The following DHX30 variants were observed in gnomAD, a reference collection of about 807,000 sequenced individuals.
DHX30 encodes the protein DExH-box helicase 30.
Under a neutral mutation model 116.9 loss-of-function variants are expected in DHX30, and 4 were observed. That is an observed-to-expected ratio of 0.03 (90% CI 0.02 to 0.08). The LOEUF (loss-of-function observed/expected upper bound fraction) is 0.08, where lower values mean the gene tolerates loss of function less well. DHX30 is among the 10% of genes least tolerant of loss of function. The pLI is 1.00. For missense variants in DHX30, 871 were observed against 1,595.1 expected (o/e 0.55, Z 7.73); for synonymous variants, 697 against 651.7 (o/e 1.07, Z -1.06).
chr3:47,822,734 G>A (rs1330652569), intron 4 of DHX30, among the ~76,000 whole-genome samples: 5 of 152,038 alleles, frequency 3.3e-5, no homozygotes, highest in Admixed American at 6.6e-5. Context: ...GCAGTGAGCC[G>A]AGATCGTGCC....
chr3:47,805,385 G>C lies in DHX30; in HGVS notation c.-63G>C, dbSNP rs1379138017. On this transcript the variant is annotated 5_prime_UTR_variant, in exon 2 of 22. Transcript: ENST00000445061. ...GAGAGAATTCAGCTCCAGTTCAAAA[G>C]CCTACAAAATCTGAGACTGTCATTG... 1 of 399,014 alleles carries C rather than the reference G, an allele frequency of 2.5e-6. No individual in the cohort carries two copies. Among genetic ancestry groups the C allele is most frequent in the Non-Finnish European group, 4.4e-6 (1 of 226,128 alleles). The allele number at this position is 399,014 out of a possible 1,614,324, so 24.7% of individuals were successfully genotyped here.
chr3:47,841,698 C>T lies in DHX30; in HGVS notation c.750C>T (p.Ala250=), dbSNP rs1189880499. 6.2e-7 allele frequency: 1 copy of T among 1,614,098 alleles called. No homozygotes were observed. The highest frequency in any genetic ancestry group is 1.3e-5 in the African/African-American group (1 of 74,934). The change falls in exon 8 of 22, where the codon GCC becomes GCT. Residue 250 remains alanine, a synonymous_variant. Coordinates refer to ENST00000445061, the MANE Select transcript of DHX30 (RefSeq NM_138615.3). Reference sequence around the variant, plus strand: ...TTCCACTTCCCAAGAACCTTCTGGCCAAGGTGATTCAGATTGCAACGTCAT... The same window carrying T: ...TTCCACTTCCCAAGAACCTTCTGGCTAAGGTGATTCAGATTGCAACGTCAT... ...TQFPLPKNLL[A]KVIQIATSSS...
chr3:47,847,564 A>G lies in DHX30; in HGVS notation c.2110+28A>G, dbSNP rs761510078. On this transcript the variant is annotated intron_variant, in intron 13 of 21. Transcript: ENST00000445061. The surrounding 1 kb of genome is among the most constrained non-coding windows in gnomAD (Gnocchi z 5.5). ...GAGAGCCCCGGCGGAGGGACCAGGG[A>G]CCTTTGGAAACCAGCCTGACCTCTG... 3.9e-6 allele frequency: 6 copies of G among 1,548,098 alleles called. No individual in the cohort carries two copies. In the Admixed American group the frequency reaches 5.8e-5, roughly 15 times the overall value.
chr3:47,829,310 A>ATTT (rs1197680925), intron 6 of DHX30, among the ~76,000 whole-genome samples, 176 bp downstream of exon 6: 4 of 25,670 alleles, frequency 1.6e-4, no homozygotes, highest in Non-Finnish European at 4.0e-4. Context: ...ATATATATAT[A>ATTT]TATATTTTTT....
chr3:47,841,312 A>G, intron 7 of DHX30, 134 bp downstream of exon 7: 1 of 1,344,574 alleles, frequency 7.4e-7, no homozygotes, highest in Non-Finnish European at 1.0e-6. Flanking sequence ...CCCATCACTC[A>G]GTGTGTGTCT....
At position 47,843,126 on chromosome 3, in the gene DHX30, T is replaced by C. The variant is rs766529248; in HGVS notation, c.810T>C (p.Thr270=). 1.9e-6 allele frequency: 3 copies of C among 1,614,128 alleles called. No homozygotes were observed. The African/African-American group carries it at 4.0e-5, about 22-fold the overall frequency. The change falls in exon 9 of 22, where the codon ACT becomes ACC. Residue 270 remains threonine (T), a synonymous_variant. Coordinates refer to ENST00000445061, the MANE Select transcript of DHX30 (RefSeq NM_138615.3). Reference sequence around the variant, plus strand: ...TGTAGAACCTCATGCAGTTCCATACTGTGGGCACCAAGACCAAGCTGTCTA... The same window carrying C: ...TGTAGAACCTCATGCAGTTCCATACCGTGGGCACCAAGACCAAGCTGTCTA... ...STAKNLMQFH[T]VGTKTKLSTL...
At chr3:47,825,098 C>A (rs1262955650) in intron 4 of DHX30, 2 of 672,006 alleles carry the variant, frequency 3.0e-6, no homozygotes, top group Non-Finnish European at 2.7e-6. Context: ...CGCCTGCAGC[C>A]GCTGGGTCCC....
At position 47,846,435 on chromosome 3, in the gene DHX30, A is replaced by G; in HGVS notation, c.1363A>G (p.Ile455Val). Residue 455 changes from isoleucine (I) to valine (V), a missense_variant, in exon 11 of 22, where the codon ATC (isoleucine) becomes GTC (valine). Ile to Val is a conservative substitution (Grantham distance 29). Around this residue, in one of 13 missense-constraint regions of DHX30, gnomAD observed 63 missense variants for 180.6 expected, o/e 0.35. Transcript: ENST00000445061. The part of the protein sequence containing the change: ...NAIEQHPVVV[I>V]SGDTGCGKTT... ...CATTGAGCAGCACCCGGTGGTGGTCATCTCTGGGGACACGGGCTGTGGGAA... is the reference window on the plus strand; with the variant it reads ...CATTGAGCAGCACCCGGTGGTGGTCGTCTCTGGGGACACGGGCTGTGGGAA... 6.2e-7 allele frequency: 1 copy of G among 1,614,140 alleles called. No homozygotes were observed. Among genetic ancestry groups the G allele is most frequent in the Non-Finnish European group, 8.5e-7 (1 of 1,180,050 alleles).
chr3:47,850,152 G>A lies in DHX30; in HGVS notation c.*32G>A, dbSNP rs1367171073. 6.5e-7 allele frequency: 1 copy of A among 1,540,336 alleles called. No homozygotes were observed. The highest frequency in any genetic ancestry group is 8.7e-7 in the Non-Finnish European group (1 of 1,143,874). On this transcript the variant is annotated 3_prime_UTR_variant, in exon 22 of 22. Coordinates refer to ENST00000445061, the MANE Select transcript of DHX30 (RefSeq NM_138615.3). Reference sequence around the variant, plus strand: ...CTTCTGCTGGGGCTGTGTACAGAGTGCAAATGTTTATTTAAAATAAAGTTC... The same window carrying A: ...CTTCTGCTGGGGCTGTGTACAGAGTACAAATGTTTATTTAAAATAAAGTTC...
At chr3:47,838,398 C>CAT (rs1199486008) in intron 6 of DHX30, among the ~76,000 whole-genome samples, 1 of 152,212 alleles carries the variant, frequency 6.6e-6, no homozygotes, top group Non-Finnish European at 1.5e-5. Flanking sequence ...CATCCAGGAA[C>CAT]ATATATCTCC....
chr3:47,815,083 G>A (rs1194168694), intron 3 of DHX30, among the ~76,000 whole-genome samples: 1 of 151,996 alleles, frequency 6.6e-6, no homozygotes, highest in African/African-American at 2.4e-5. Context: ...TTCCTAGGGT[G>A]TCATGAACCT....
chr3:47,825,727 C>T (rs567567880), intron 4 of DHX30, among the ~76,000 whole-genome samples: 15 of 152,196 alleles, frequency 9.9e-5, no homozygotes, highest in African/African-American at 2.6e-4. Context: ...GAGCGCCAGC[C>T]TCCACCAACC....
Position 47,836,511 on chromosome 3 carries a change from AGTTTT to A in DHX30, c.367-4344_367-4340del, listed in dbSNP as rs367678281. ...TTTTCTCTTCCCCATCTATGTGTAT[AGTTTT>A]GTTTTGTTTTGTTTTGTTTTGAGAT... On this transcript the variant is annotated intron_variant, in intron 6 of 21. Coordinates refer to ENST00000445061, the MANE Select transcript of DHX30 (RefSeq NM_138615.3). Among the ~76,000 whole-genome samples, 664 of 151,324 alleles carry A rather than the reference AGTTTT, an allele frequency of 4.4e-3. 2 individuals carry two copies. The highest frequency in any genetic ancestry group is 0.015 in the African/African-American group (630 of 41,230).
intron 9 of DHX30, 65 bp downstream of exon 9, chr3:47,843,320 C>T: frequency 6.3e-7 from 1 of 1,589,818 alleles, no homozygotes; most frequent in Non-Finnish European, 8.6e-7. Flanking sequence ...CTGCCAGTGG[C>T]AAATGGGTCC....
chr3:47,810,292 A>G lies in DHX30; in HGVS notation c.-27-365A>G, dbSNP rs567620232. On this transcript the variant is annotated intron_variant, in intron 2 of 21. Coordinates refer to ENST00000445061, the MANE Select transcript of DHX30 (RefSeq NM_138615.3). ...AGTCCCAAGGAAACCTGCAAGTATT[A>G]TGATAACTAGGAAGGAAACCTGCAA... Among the ~76,000 whole-genome samples, 159 of 152,284 alleles carry G rather than the reference A, an allele frequency of 1.0e-3. 1 individual carries two copies. Among genetic ancestry groups the G allele is most frequent in the South Asian group, 3.5e-3 (17 of 4,808 alleles).
intron 4 of DHX30, among the ~76,000 whole-genome samples, chr3:47,822,968 C>G (rs376481086): frequency 7.7e-4 from 117 of 151,680 alleles, no homozygotes; most frequent in African/African-American, 2.7e-3. Flanking sequence ...TGGCGGGCAC[C>G]TGTAGTCCCA....
chr3:47,811,970 A>T (rs1188693352), intron 3 of DHX30, among the ~76,000 whole-genome samples: 1 of 149,866 alleles, frequency 6.7e-6, no homozygotes. Flanking sequence ...AGGCTGAGGC[A>T]GGAGAATAGC....
At position 47,832,302 on chromosome 3, in the gene DHX30, C is replaced by T. The variant is rs566090286; in HGVS notation, c.366+3168C>T. Among the ~76,000 whole-genome samples, 33 of 152,266 alleles carry T rather than the reference C, an allele frequency of 2.2e-4. 1 individual carries two copies. The South Asian group carries it at 5.6e-3, about 26-fold the overall frequency. Reference sequence around the variant, plus strand: ...ACTGGAAGACCTCTGCTTCTCTTTTCTCTCTAGGTCACTCTCAAGTACCTT... The same window carrying T: ...ACTGGAAGACCTCTGCTTCTCTTTTTTCTCTAGGTCACTCTCAAGTACCTT... On this transcript the variant is annotated intron_variant, in intron 6 of 21. Coordinates refer to ENST00000445061, the MANE Select transcript of DHX30 (RefSeq NM_138615.3).
chr3:47,848,870 C>T lies in DHX30; in HGVS notation c.2770-50C>T, dbSNP rs202096576. The T allele has an allele frequency of 4.6e-5, 73 of 1,597,050 alleles. 1 individual carries two copies. In the African/African-American group the frequency reaches 6.0e-4, roughly 13 times the overall value. Reference sequence around the variant, plus strand: ...TCCACCCACTGCTGTTCTGAGGGGGCGTTGTCTAGCCCCTGCCTGTGATCC... The same window carrying T: ...TCCACCCACTGCTGTTCTGAGGGGGTGTTGTCTAGCCCCTGCCTGTGATCC... On this transcript the variant is annotated intron_variant, in intron 17 of 21. Coordinates refer to ENST00000445061, the MANE Select transcript of DHX30 (RefSeq NM_138615.3). This position sits in a 1 kb window ranked among gnomAD's most constrained non-coding sequence, Gnocchi z 9.4.
Sources: gnomAD v4.1 joint callset for allele counts (sites outside exome capture counted in the v4.1 genomes callset) on GRCh38, gnomAD v4.1.1 for gene constraint, gnomAD v4.1.1 regional missense constraint, Gnocchi (gnomAD v3.1) non-coding constraint, MANE v1.5 for transcripts, NCBI Gene and HGNC (gene_info 2026-07-23, HGNC 2026-07-21) for gene names.